The following PGM3 variants were observed in gnomAD, a reference collection of about 807,000 sequenced individuals.
PGM3 encodes the protein phosphoglucomutase 3, also known as phosphoacetylglucosamine mutase.
PGM3 carries 40 observed loss-of-function variants against 66.2 expected under a neutral mutation model. The observed-to-expected ratio is 0.60, with a 90% CI of 0.47 to 0.79. PGM3 has a LOEUF of 0.79. Ranked by LOEUF, PGM3 falls within the 30% of genes least tolerant of loss-of-function variation. PGM3 has a pLI of 0.00. For synonymous variants in PGM3, 191 were observed against 224.2 expected (o/e 0.85, Z 1.32); for missense variants, 537 against 643.4 (o/e 0.83, Z 1.79).
chr6:83,158,653 A>G (rs2128395841), downstream of PGM3: 1 of 1,460,470 alleles, frequency 6.8e-7, no homozygotes, highest in Non-Finnish European at 9.5e-7. Flanking sequence ...ATTGTTGTCC[A>G]TTTTTTAATA....
rs28472538 is a variant in PGM3, at chr6:83,182,638, C to T, written c.591+207G>A. ...CTTCCCCAAAGTATCTCAGAATGTA[C>T]TACATAATTTGCCAAGTAAACGCCA... On this transcript the variant is annotated intron_variant, in intron 5 of 12. Transcript: ENST00000513973. 2.6e-5 allele frequency among the ~76,000 whole-genome samples: 4 copies of T among 152,138 alleles called. No homozygotes were observed. The South Asian group carries it at 8.3e-4, about 31-fold the overall frequency.
chr6:83,190,509 G>A (rs1445987547), intron 2 of PGM3: 1 of 366,550 alleles, frequency 2.7e-6, no homozygotes, highest in African/African-American at 2.1e-5. Context: ...AGTTAACAAA[G>A]GAAACAATTT....
In PGM3 at chr6:83,188,798, C is replaced by T. The variant is rs1189989375; in HGVS notation, c.205G>A (p.Glu69Lys). 3 of 1,613,286 alleles carry T rather than the reference C, an allele frequency of 1.9e-6. No homozygotes were observed. The highest frequency in any genetic ancestry group is 1.3e-5 in the African/African-American group (1 of 74,902). ...TCAACCAATTTTACACCATTGTCTT[C>T]CTTAAAAGAAAAACAAACAATAAGC... Reference protein sequence around the residue: ...VMVTASHNPEEDNGVKLVDPL... With the variant: ...VMVTASHNPEKDNGVKLVDPL... The change falls in exon 3 of 13, where the codon GAA (glutamate) becomes AAA (lysine). Residue 69 changes from glutamate to lysine, a missense_variant and splice_region_variant. Transcript: ENST00000513973.
chr6:83,153,487 TC>T, the PGM3 span: 1 of 1,505,568 alleles, frequency 6.6e-7, no homozygotes, highest in South Asian at 1.2e-5. Flanking sequence ...CATATGTTAC[TC>T]TTCATTTTTT....
rs1786388656 is a variant in PGM3, at chr6:83,168,487, T to C, written c.*747A>G. On this transcript the variant is annotated 3_prime_UTR_variant, in exon 13 of 13. Transcript: ENST00000513973. Reference sequence around the variant, plus strand: ...TTTTTTTTTCCATTGGTTTCAGACTTGGTTCAATTAAGATTGGTTGGGGAT... The same window carrying C: ...TTTTTTTTTCCATTGGTTTCAGACTCGGTTCAATTAAGATTGGTTGGGGAT... 1 of 1,029,216 alleles carries C rather than the reference T, an allele frequency of 9.7e-7. No homozygotes were observed. The highest frequency in any genetic ancestry group is 1.7e-5 in the African/African-American group (1 of 58,382). The allele number at this position is 1,029,216 out of a possible 1,614,324, so 63.8% of individuals were successfully genotyped here.
rs997111316 is a variant in PGM3 at position 83,191,215 on chromosome 6, C to A, written c.-2-201G>T. The A allele has an allele frequency of 2.6e-6, 4 of 1,535,190 alleles. No homozygotes were observed. Among genetic ancestry groups the A allele is most frequent in the South Asian group, 1.2e-5 (1 of 84,044 alleles). ...CAAGATGTTGTCCAACTTGGTATGTCCACTCCTGGGCAGACTCAGGGCAGA... is the reference window on the plus strand; with the variant it reads ...CAAGATGTTGTCCAACTTGGTATGTACACTCCTGGGCAGACTCAGGGCAGA... On this transcript the variant is annotated intron_variant, in intron 1 of 12. Transcript: ENST00000513973.
rs1169545811 is a variant in PGM3 at position 83,167,234 on chromosome 6, C to CT, written c.*1999dup. 1.0e-6 allele frequency: 1 copy of CT among 958,136 alleles called. No homozygotes were observed. Among genetic ancestry groups the CT allele is most frequent in the Non-Finnish European group, 1.2e-6 (1 of 805,088 alleles). The allele number at this position is 958,136 out of a possible 1,614,324, so 59.4% of individuals were successfully genotyped here. ...CCGTAAGTATGGCAGAGCCAGCACA[C>CT]TAACTCAATTCCTTTGACTCCAGGT... On this transcript the variant is annotated 3_prime_UTR_variant, in exon 13 of 13. Transcript: ENST00000513973.
chr6:83,181,961 A>T (rs772349508), intron 5 of PGM3, 30 bp from the exon 6 acceptor site: 1 of 1,456,970 alleles, frequency 6.9e-7, no homozygotes, highest in Non-Finnish European at 9.3e-7. Context: ...ATGGAAGAAA[A>T]ATTTCAAGTT....
the PGM3 span, chr6:83,151,860 G>C: frequency 6.2e-7 from 1 of 1,611,172 alleles, no homozygotes; most frequent in Non-Finnish European, 8.5e-7. Context: ...ACCATACATA[G>C]TTGTTCTTCC....
At chr6:83,178,798 G>T (rs1351851091) in intron 7 of PGM3, 42 bp from the exon 8 acceptor site, 3 of 1,125,722 alleles carry the variant, frequency 2.7e-6, no homozygotes, top group South Asian at 1.2e-5. Context: ...TCAAAAGTAT[G>T]GTCTACAAAA....
At chr6:83,182,759 G>C in intron 5 of PGM3, 86 bp downstream of exon 5, 1 of 1,218,972 alleles carries the variant, frequency 8.2e-7, no homozygotes, top group Non-Finnish European at 1.2e-6. Context: ...GGAAAGAGGA[G>C]GCATGACAAA....
At position 83,171,971 on chromosome 6, in the gene PGM3, T is replaced by C. The variant is rs1321816210; in HGVS notation, c.1331A>G (p.Tyr444Cys). Residue 444 changes from tyrosine to cysteine, a missense_variant, in exon 11 of 13, where the codon TAT becomes TGT. Transcript: ENST00000513973. ...AAGTTGTCTGTTTGGAAGATCTGTATAGAGAGCATCCCACTGTTGTACAGT... is the reference window on the plus strand; with the variant it reads ...AAGTTGTCTGTTTGGAAGATCTGTACAGAGAGCATCCCACTGTTGTACAGT... ...GLTVQQWDAL[Y>C]TDLPNRQLKV... is the part of the protein sequence containing the mutation. The C allele has an allele frequency of 1.9e-6, 3 of 1,613,624 alleles. No individual in the cohort carries two copies. The highest frequency in any genetic ancestry group is 3.3e-5 in the Admixed American group (2 of 60,026).
At chr6:83,155,079 CA>C in the PGM3 span, among the ~76,000 whole-genome samples, 1 of 152,108 alleles carries the variant, frequency 6.6e-6, no homozygotes, top group Non-Finnish European at 1.5e-5. Context: ...TTTTAAATAA[CA>C]GCTAAATAGC....
At chr6:83,153,916 C>T in the PGM3 span, 2 of 1,612,364 alleles carry the variant, frequency 1.2e-6, no homozygotes, top group East Asian at 2.2e-5. Flanking sequence ...CCCTAGTTAT[C>T]GAGCTTGTGT....
upstream of PGM3, among the ~76,000 whole-genome samples, chr6:83,193,672 C>T (rs1789381519): frequency 1.3e-5 from 2 of 152,202 alleles, no homozygotes; most frequent in Admixed American, 1.3e-4. Context: ...TGAGCGCCGC[C>T]GGCGGCCCGC....
the PGM3 span, chr6:83,152,231 CAT>C: frequency 7.6e-5 from 71 of 936,474 alleles, no homozygotes; most frequent in Non-Finnish European, 1.1e-4. Flanking sequence ...CACACACACA[CAT>C]AAAATTTATT....
Position 83,166,227 on chromosome 6 carries a change from C to A in PGM3, c.*3007G>T. 1 of 510,506 alleles carries A rather than the reference C, an allele frequency of 2.0e-6. No individual in the cohort carries two copies. The highest frequency in any genetic ancestry group is 3.4e-6 in the Non-Finnish European group (1 of 289,926). 31.6% of individuals were successfully genotyped at this position (510,506 alleles called of 1,614,324 possible). A position where few individuals can be genotyped will look rare whatever the true frequency, so the allele number is the denominator to read the frequency against. On this transcript the variant is annotated 3_prime_UTR_variant, in exon 13 of 13. Transcript: ENST00000513973. ...CAATTTGCTTCAAATGCCGAACGAC[C>A]ATAAAATGGTCAACATTGAGTTCTT...
chr6:83,188,732 C>T lies in PGM3; in HGVS notation c.271G>A (p.Ala91Thr). ...EMLAPSWEEH[A>T]TCLANAEEQD... is the part of the protein sequence containing the mutation. ...TCCTCAGCATTTGCTAAACAGGTGGCATGTTCCTCCCAGGATGGTGCCAAC... is the reference window on the plus strand; with the variant it reads ...TCCTCAGCATTTGCTAAACAGGTGGTATGTTCCTCCCAGGATGGTGCCAAC... The change falls in exon 3 of 13, where the codon GCC becomes ACC. Residue 91 changes from alanine (A) to threonine (T), a missense_variant. Transcript: ENST00000513973. 1 of 1,614,058 alleles carries T rather than the reference C, an allele frequency of 6.2e-7. No individual in the cohort carries two copies. The highest frequency in any genetic ancestry group is 1.3e-5 in the African/African-American group (1 of 75,036).
intron 2 of PGM3, among the ~76,000 whole-genome samples, 198 bp from the exon 3 acceptor site, chr6:83,188,996 CAT>C (rs1788829872): frequency 6.6e-6 from 1 of 152,184 alleles, no homozygotes; most frequent in African/African-American, 2.4e-5. Flanking sequence ...TCATGACACA[CAT>C]AATCAATTAA....
Sources: gnomAD v4.1 joint callset for allele counts (sites outside exome capture counted in the v4.1 genomes callset) on GRCh38, gnomAD v4.1.1 for gene constraint, MANE v1.5 for transcripts, NCBI Gene and HGNC (gene_info 2026-07-23, HGNC 2026-07-21) for gene names.